Variants in NOTUM observed in about 807,000 individuals in gnomAD.
NOTUM encodes the protein notum, palmitoleoyl-protein carboxylesterase.
NOTUM carries 36 observed loss-of-function variants against 65.5 expected under a neutral mutation model. That is an observed-to-expected ratio of 0.55 (90% CI 0.42 to 0.73). The LOEUF (loss-of-function observed/expected upper bound fraction) is 0.73, where lower values mean the gene tolerates loss of function less well. Ranked by LOEUF, NOTUM falls within the 30% of genes least tolerant of loss-of-function variation. The pLI, the probability that NOTUM is intolerant of heterozygous loss-of-function variation, is 0.00. For missense variants in NOTUM, 659 were observed against 694.2 expected, an observed-to-expected ratio of 0.95 and a Z score of 0.57; for synonymous variants, 356 against 297.9, an observed-to-expected ratio of 1.20 and a Z score of -2.01.
At position 81,956,948 on chromosome 17, in the gene NOTUM, A is replaced by G; in HGVS notation, c.822T>C (p.Tyr274=). 1.2e-6 allele frequency: 2 copies of G among 1,613,312 alleles called. No homozygotes were observed. The highest frequency in any genetic ancestry group is 1.7e-6 in the Non-Finnish European group (2 of 1,179,934). Residue 274 remains tyrosine (Y), a synonymous_variant, in exon 7 of 11, where the codon TAT becomes TAC. Coordinates refer to ENST00000409678, the MANE Select transcript of NOTUM (RefSeq NM_178493.6). ...DSGWFLDNKQ[Y]RHTDCVDTIT... is the part of the protein sequence containing the mutation. ...TCGTGTCGACGCAGTCTGTGTGGCG[A>G]TACTGCTTGTTGTCCAGGAACCAGC...
intron 3 of NOTUM, 116 bp downstream of exon 3, chr17:81,959,355 G>A (rs866434602): frequency 6.4e-6 from 5 of 775,830 alleles, no homozygotes; most frequent in East Asian, 5.4e-5. Flanking sequence ...TAGTAAACCC[G>A]GGCGCCAGGC....
rs1280441524 is a variant in NOTUM, at chr17:81,952,570, T to A, written c.*391A>T. On this transcript the variant is annotated 3_prime_UTR_variant, in exon 11 of 11. Transcript: ENST00000409678. ...AGTTACAAAACAATATCATTCATCA[T>A]ATATTCTTATTTTCCTTTTTTTAAA... 5.2e-6 allele frequency: 1 copy of A among 190,544 alleles called. No homozygotes were observed. Among genetic ancestry groups the A allele is most frequent in the African/African-American group, 2.3e-5 (1 of 42,612 alleles). 11.8% of individuals were successfully genotyped at this position (190,544 alleles called of 1,614,324 possible).
Position 81,953,171 on chromosome 17 carries a change from G to A in NOTUM, c.1281C>T (p.Thr427=), listed in dbSNP as rs1413305183. 19 of 1,612,916 alleles carry A rather than the reference G, an allele frequency of 1.2e-5. No homozygotes were observed. Among genetic ancestry groups the A allele is most frequent in the Non-Finnish European group, 1.4e-5 (16 of 1,179,484 alleles). ...SLHDSHKASK[T]PLKGCPVHLV... is the part of the protein sequence containing the mutation. ...GGTGGACGGGGCAGCCCTTGAGGGG[G>A]GTCTTGCTGGCCTTGTGGCTGTCAT... The change falls in exon 11 of 11, where the codon ACC becomes ACT. Residue 427 remains threonine (T), a synonymous_variant. Coordinates refer to ENST00000409678, the MANE Select transcript of NOTUM (RefSeq NM_178493.6).
At chr17:81,958,445 T>C (rs1484146199) in intron 4 of NOTUM, 52 bp from the exon 5 acceptor site, 3 of 1,260,976 alleles carry the variant, frequency 2.4e-6, no homozygotes, top group Non-Finnish European at 3.5e-6. Context: ...CCCGGCAGCC[T>C]CCAGAAAGGA....
At position 81,959,701 on chromosome 17, in the gene NOTUM, G is replaced by C; in HGVS notation, c.324-9C>G. On this transcript the variant is annotated splice_polypyrimidine_tract_variant and intron_variant, in intron 1 of 10. Coordinates refer to ENST00000409678, the MANE Select transcript of NOTUM (RefSeq NM_178493.6). The stretch of plus-strand genomic sequence containing the variant: ...ACTCCTTCAGGTAGTAGCTGCGGGG[G>C]AGGACGCACCGCGGGGGGTCGGCCA... 1 of 1,470,706 alleles carries C rather than the reference G, an allele frequency of 6.8e-7. No homozygotes were observed. The highest frequency in any genetic ancestry group is 9.0e-7 in the Non-Finnish European group (1 of 1,108,552). 91.1% of individuals were successfully genotyped at this position (1,470,706 alleles called of 1,614,324 possible).
rs1377973867 is a variant in NOTUM, at chr17:81,959,225, C to T, written c.473-230G>A. Reference sequence around the variant, plus strand: ...GGCTAGGCTGGACACCAGGTCTGACCTTGACTTCAACCCCTTGCCCTGCTT... The same window carrying T: ...GGCTAGGCTGGACACCAGGTCTGACTTTGACTTCAACCCCTTGCCCTGCTT... On this transcript the variant is annotated intron_variant, in intron 3 of 10. Coordinates refer to ENST00000409678, the MANE Select transcript of NOTUM (RefSeq NM_178493.6). The T allele has an allele frequency of 2.8e-5, 17 of 612,840 alleles. 1 individual carries two copies. The South Asian group carries it at 3.3e-4, about 12-fold the overall frequency. 38.0% of individuals were successfully genotyped at this position (612,840 alleles called of 1,614,324 possible).
chr17:81,960,458 C>T lies in NOTUM; in HGVS notation c.323+129G>A. The stretch of plus-strand genomic sequence containing the variant: ...TCACCGAACCGGGCACTCCTCGGGG[C>T]CAGGACCGCGGGGCGCCCGACGGAA... On this transcript the variant is annotated intron_variant, in intron 1 of 10. Transcript: ENST00000409678. This position sits in a 1 kb window ranked among gnomAD's most constrained non-coding sequence, Gnocchi z 6.4. The T allele has an allele frequency of 1.6e-6, 1 of 637,620 alleles. No individual in the cohort carries two copies. Among genetic ancestry groups the T allele is most frequent in the South Asian group, 2.3e-5 (1 of 43,540 alleles). 39.5% of individuals were successfully genotyped at this position (637,620 alleles called of 1,614,324 possible).
chr17:81,957,764 C>T (rs764525599), intron 6 of NOTUM, 42 bp downstream of exon 6: 8 of 1,390,626 alleles, frequency 5.8e-6, no homozygotes, highest in East Asian at 4.9e-5. Context: ...CCCTGCACAC[C>T]GTCCTCACCC....
Position 81,958,356 on chromosome 17 carries a change from C to A in NOTUM, c.571G>T (p.Ala191Ser). Residue 191 changes from alanine (A) to serine (S), a missense_variant, in exon 5 of 11, where the codon GCT (alanine) becomes TCT (serine). Coordinates refer to ENST00000409678, the MANE Select transcript of NOTUM (RefSeq NM_178493.6). ...PYCSSDVWSG[A>S]SSKSEKNEYA... ...TCACTCTTCTCAGACTTGGATGAAG[C>A]CCCGCTCCAAACATCACTGGAGCAG... 6.2e-7 allele frequency: 1 copy of A among 1,610,692 alleles called. No individual in the cohort carries two copies.
chr17:81,953,908 A>C (rs1049689907), intron 10 of NOTUM, among the ~76,000 whole-genome samples: 9 of 151,718 alleles, frequency 5.9e-5, no homozygotes, highest in African/African-American at 1.9e-4. Context: ...CAGCCTCCGG[A>C]GTAGCTGGAT....
At chr17:81,954,227 C>G in intron 10 of NOTUM, 29 bp downstream of exon 10, 1 of 1,571,222 alleles carries the variant, frequency 6.4e-7, no homozygotes, top group Non-Finnish European at 8.8e-7. Context: ...ATGTCATGGA[C>G]GCAAGCTGCC....
rs567405398 is a variant in NOTUM at position 81,954,874 on chromosome 17, C to T, written c.1136+523G>A. On this transcript the variant is annotated intron_variant, in intron 9 of 10. Transcript: ENST00000409678. ...TCCAGCAATCCTGCTGCCTCGGCCT[C>T]CCAAAGGGGTGGGATTATAGGCGTG... 1.1e-4 allele frequency among the ~76,000 whole-genome samples: 17 copies of T among 152,360 alleles called. No homozygotes were observed. In the East Asian group the frequency reaches 3.3e-3, roughly 29 times the overall value.
In NOTUM at chr17:81,958,919, C is replaced by G; in HGVS notation, c.533+16G>C. 6.2e-7 allele frequency: 1 copy of G among 1,606,544 alleles called. No individual in the cohort carries two copies. Among genetic ancestry groups the G allele is most frequent in the South Asian group, 1.1e-5 (1 of 90,974 alleles). ...CTCCAGGCAGGACTCCCAGGCAAGA[C>G]CCTGTGCCCCCTTACACCATGTTTG... On this transcript the variant is annotated intron_variant, in intron 4 of 10. Transcript: ENST00000409678.
intron 6 of NOTUM, 57 bp downstream of exon 6, chr17:81,957,749 A>C: frequency 4.0e-6 from 5 of 1,235,460 alleles, no homozygotes; most frequent in South Asian, 1.3e-5. Context: ...CACCCCTTCC[A>C]TGCACCCTGC....
In NOTUM at chr17:81,955,477, C is replaced by A; in HGVS notation, c.1056G>T (p.Thr352=). 1.2e-6 allele frequency: 2 copies of A among 1,611,004 alleles called. No homozygotes were observed. The highest frequency in any genetic ancestry group is 1.1e-5 in the South Asian group (1 of 90,916). The stretch of plus-strand genomic sequence containing the variant: ...GCAGGCCCTCCTGCACCGGCTGCCC[C>A]GTCAGGTGCACGTTGTCCACCGTCA... ...AQLTVDNVHL[T]GQPVQEGLRL... is the part of the protein sequence containing the mutation. The change falls in exon 9 of 11, where the codon ACG becomes ACT. Residue 352 remains threonine, a synonymous_variant. Transcript: ENST00000409678.
chr17:81,959,155 G>A (rs1420689468), intron 3 of NOTUM, 160 bp from the exon 4 acceptor site: 2 of 659,096 alleles, frequency 3.0e-6, no homozygotes, highest in Non-Finnish European at 5.4e-6. Flanking sequence ...GTGGAGGACA[G>A]TTGGGTTTAG....
chr17:81,955,247 C>T (rs767446056), intron 9 of NOTUM, 150 bp downstream of exon 9: 11 of 691,236 alleles, frequency 1.6e-5, no homozygotes, highest in Non-Finnish European at 2.6e-5. Flanking sequence ...TCCCAAAGTG[C>T]TGGGATTATA....
chr17:81,957,602 C>T (rs149997695), intron 6 of NOTUM, among the ~76,000 whole-genome samples: 2 of 152,290 alleles, frequency 1.3e-5, no homozygotes, highest in African/African-American at 4.8e-5. Flanking sequence ...TCTGGTTACC[C>T]AGCACTCTGA....
In NOTUM at chr17:81,954,245, G is replaced by A; in HGVS notation, c.1184+11C>T. The stretch of plus-strand genomic sequence containing the variant: ...TCATGGACGCAAGCTGCCCGGAGCA[G>A]GGACACTGACCTCCGGATGATGATC... On this transcript the variant is annotated intron_variant, in intron 10 of 10. Coordinates refer to ENST00000409678, the MANE Select transcript of NOTUM (RefSeq NM_178493.6). 2 of 1,603,810 alleles carry A rather than the reference G, an allele frequency of 1.2e-6. No homozygotes were observed. The highest frequency in any genetic ancestry group is 4.5e-5 in the East Asian group (2 of 44,836).
Sources: gnomAD v4.1 joint callset for allele counts (sites outside exome capture counted in the v4.1 genomes callset) on GRCh38, gnomAD v4.1.1 for gene constraint, Gnocchi (gnomAD v3.1) non-coding constraint, MANE v1.5 for transcripts, NCBI Gene and HGNC (gene_info 2026-07-23, HGNC 2026-07-21) for gene names.